The following SLC35A3 variants were observed in gnomAD, a reference collection of about 807,000 sequenced individuals.
The protein encoded by SLC35A3 is solute carrier family 35 member A3.
Under a neutral mutation model 39.0 loss-of-function variants are expected in SLC35A3, and 26 were observed. That is an observed-to-expected ratio of 0.67 (90% confidence interval 0.49 to 0.92). The LOEUF (loss-of-function observed/expected upper bound fraction) is 0.92, where lower values mean the gene tolerates loss of function less well. Ranked by LOEUF, SLC35A3 falls within the 40% of genes least tolerant of loss-of-function variation. The pLI, the probability that SLC35A3 is intolerant of heterozygous loss-of-function variation, is 0.00. For missense variants in SLC35A3, 299 were observed against 371.6 expected, an observed-to-expected ratio of 0.80 and a Z score of 1.61; for synonymous variants, 135 against 133.1, an observed-to-expected ratio of 1.01 and a Z score of -0.10.
intron 1 of SLC35A3, among the ~76,000 whole-genome samples, chr1:99,985,844 G>T (rs902742955): frequency 6.6e-6 from 1 of 152,086 alleles, no homozygotes; most frequent in Non-Finnish European, 1.5e-5. Context: ...TGTAAAAGGG[G>T]TTGAGTTCTT....
intron 5 of SLC35A3, among the ~76,000 whole-genome samples, chr1:100,014,219 T>C (rs1020223596): frequency 1.3e-5 from 2 of 152,160 alleles, no homozygotes; most frequent in Non-Finnish European, 2.9e-5. Flanking sequence ...ACAAAACTTT[T>C]ATTTATTTAT....
rs973544076 is a variant in SLC35A3 at position 100,025,751 on chromosome 1, T to C, written c.*3275T>C. 6.6e-6 allele frequency: 1 copy of C among 152,210 alleles called. No individual in the cohort carries two copies. The highest frequency in any genetic ancestry group is 1.5e-5 in the Non-Finnish European group (1 of 68,026). The allele number at this position is 152,210 out of a possible 1,614,324, so 9.4% of individuals were successfully genotyped here. ...TTACTGTATCAAGCTTTTATAATGA[T>C]GACTCCTTCATTATTTAAATTCCTA... On this transcript the variant is annotated 3_prime_UTR_variant, in exon 8 of 8. Transcript: ENST00000533028.
At chr1:99,970,624 GA>G in intron 1 of SLC35A3, 1 of 1,536,182 alleles carries the variant, frequency 6.5e-7, no homozygotes, top group South Asian at 1.2e-5. Flanking sequence ...GGAACTTAAA[GA>G]AATGGAAAGG....
rs1660933577 is a variant in SLC35A3, at chr1:100,026,735, A to G, written c.*4259A>G. On this transcript the variant is annotated 3_prime_UTR_variant, in exon 8 of 8. Coordinates refer to ENST00000533028, the MANE Select transcript of SLC35A3 (RefSeq NM_012243.3). ...CAAAATAATTTAAAAACTTTTTAAA[A>G]TAATTTGGATCCTGACTTTGTCTAT... 6.5e-6 allele frequency: 1 copy of G among 152,810 alleles called. No homozygotes were observed. The highest frequency in any genetic ancestry group is 1.5e-5 in the Non-Finnish European group (1 of 68,460). 9.5% of individuals were successfully genotyped at this position (152,810 alleles called of 1,614,324 possible). A position where few individuals can be genotyped will look rare whatever the true frequency, so the allele number is the denominator to read the frequency against.
intron 1 of SLC35A3, among the ~76,000 whole-genome samples, chr1:99,977,055 T>C (rs1657147758): frequency 6.6e-6 from 1 of 152,198 alleles, no homozygotes; most frequent in Admixed American, 6.5e-5. Flanking sequence ...TTCAGTTAAA[T>C]TATTTTCACA....
At chr1:99,997,552 A>T (rs1207381004) in intron 2 of SLC35A3, among the ~76,000 whole-genome samples, 4 of 144,772 alleles carry the variant, frequency 2.8e-5, no homozygotes, top group Non-Finnish European at 6.0e-5. Flanking sequence ...TATATATATT[A>T]TATATATTAT....
chr1:99,981,404 G>C (rs1657441342), intron 1 of SLC35A3, among the ~76,000 whole-genome samples: 1 of 152,114 alleles, frequency 6.6e-6, no homozygotes, highest in Admixed American at 6.5e-5. Context: ...TTTTATAATA[G>C]AAGGAAAATT....
intron 2 of SLC35A3, 95 bp from the exon 3 acceptor site, chr1:99,999,161 ATTTTG>A: frequency 1.7e-6 from 1 of 593,548 alleles, no homozygotes; most frequent in Non-Finnish European, 2.7e-6. Context: ...ATGTAGCTCA[ATTTTG>A]TTTTTCTATA....
chr1:100,015,157 C>CAAA (rs760381564), intron 5 of SLC35A3, 145 bp from the exon 6 acceptor site: 2,552 of 452,864 alleles, frequency 5.6e-3, no homozygotes, highest in Middle Eastern at 7.2e-3. Flanking sequence ...GACTCCGTCT[C>CAAA]AAAAAAAAAA....
In SLC35A3 at chr1:100,035,279, T is replaced by C. The variant is rs1347242224; in HGVS notation, c.*12803T>C. On this transcript the variant is annotated 3_prime_UTR_variant, in exon 8 of 8. Transcript: ENST00000533028. ...TTGTATTTTTGTTGTTTTGTGGGATTTAAAAAATATTTTTATTCTGAGGAT... is the reference window on the plus strand; with the variant it reads ...TTGTATTTTTGTTGTTTTGTGGGATCTAAAAAATATTTTTATTCTGAGGAT... The C allele has an allele frequency of 4.6e-5, 7 of 152,246 alleles. No homozygotes were observed. The highest frequency in any genetic ancestry group is 4.6e-4 in the Admixed American group (7 of 15,290). 9.4% of individuals were successfully genotyped at this position (152,246 alleles called of 1,614,324 possible). A position where few individuals can be genotyped will look rare whatever the true frequency, so the allele number is the denominator to read the frequency against.
chr1:99,972,794 T>G (rs535489177), intron 1 of SLC35A3, among the ~76,000 whole-genome samples: 2 of 152,330 alleles, frequency 1.3e-5, no homozygotes, highest in South Asian at 4.1e-4. Flanking sequence ...TTACTGTGGA[T>G]TTAATATTTG....
intron 1 of SLC35A3, chr1:99,970,455 T>C (rs1656735243): frequency 8.8e-6 from 8 of 907,264 alleles, no homozygotes; most frequent in Admixed American, 4.5e-5. Flanking sequence ...AAGACGGCAG[T>C]GTGTGCCTCA....
chr1:100,020,248 T>C (rs1260383464), intron 7 of SLC35A3, among the ~76,000 whole-genome samples: 1 of 152,180 alleles, frequency 6.6e-6, no homozygotes, highest in African/African-American at 2.4e-5. Flanking sequence ...TTAAAATTGC[T>C]GGCTTGAGAA....
intron 1 of SLC35A3, among the ~76,000 whole-genome samples, chr1:99,984,006 A>C (rs1156578838): frequency 6.6e-6 from 1 of 152,174 alleles, no homozygotes; most frequent in African/African-American, 2.4e-5. Context: ...CAACATAAAG[A>C]TTAGTTTGTG....
chr1:99,981,262 G>T (rs1657431412), intron 1 of SLC35A3, among the ~76,000 whole-genome samples: 1 of 152,098 alleles, frequency 6.6e-6, no homozygotes, highest in Non-Finnish European at 1.5e-5. Context: ...TTTGTAACTT[G>T]TGTGTTTTCA....
At chr1:100,015,679 A>T in intron 6 of SLC35A3, 2 of 388,042 alleles carry the variant, frequency 5.2e-6, no homozygotes, top group Non-Finnish European at 8.9e-6. Flanking sequence ...AAAAGAGTTG[A>T]AGCTAAAGGC....
Position 100,030,567 on chromosome 1 carries a change from AG to A in SLC35A3, c.*8094del, listed in dbSNP as rs1661165481. ...AATTCTTCTTCTTTAAGGGTGACCC[AG>A]GGAAGCCAAAAGATTGGACACCCCA... On this transcript the variant is annotated 3_prime_UTR_variant, in exon 8 of 8. Coordinates refer to ENST00000533028, the MANE Select transcript of SLC35A3 (RefSeq NM_012243.3). 6.6e-6 allele frequency: 1 copy of A among 152,234 alleles called. No homozygotes were observed. Among genetic ancestry groups the A allele is most frequent in the South Asian group, 2.1e-4 (1 of 4,832 alleles). 9.4% of individuals were successfully genotyped at this position (152,234 alleles called of 1,614,324 possible).
At chr1:100,004,755 G>A (rs1412453916) in intron 3 of SLC35A3, among the ~76,000 whole-genome samples, 1 of 151,790 alleles carries the variant, frequency 6.6e-6, no homozygotes, top group Non-Finnish European at 1.5e-5. Context: ...AAAGACAGAT[G>A]TCTTGCTATG....
intron 5 of SLC35A3, among the ~76,000 whole-genome samples, chr1:100,011,774 C>T (rs1178927408): frequency 2.0e-5 from 3 of 151,004 alleles, no homozygotes; most frequent in Admixed American, 1.3e-4. Flanking sequence ...GGCTGGAGTG[C>T]AGTGTGCAAT....
Sources: gnomAD v4.1 joint callset for allele counts (sites outside exome capture counted in the v4.1 genomes callset) on GRCh38, gnomAD v4.1.1 for gene constraint, MANE v1.5 for transcripts, NCBI Gene and HGNC (gene_info 2026-07-23, HGNC 2026-07-21) for gene names.